ZNF324: variants seen among roughly 807,000 people sequenced by gnomAD.
ZNF324 encodes the protein zinc finger protein 324A.
Under a neutral mutation model 10.3 loss-of-function variants are expected in ZNF324, and 3 were observed. That is an observed-to-expected ratio of 0.29 (90% CI 0.13 to 0.75). The LOEUF (loss-of-function observed/expected upper bound fraction) is 0.75. Among genes scored for constraint, ZNF324 ranks in the 30% least tolerant of loss-of-function variants. The pLI, the probability that ZNF324 is intolerant of heterozygous loss-of-function variation, is 0.69. For synonymous variants in ZNF324, 430 were observed against 339.5 expected, an observed-to-expected ratio of 1.27 and a Z score of -2.93; for missense variants, 763 against 784.4, an observed-to-expected ratio of 0.97 and a Z score of 0.33.
rs1461200112 is a variant in ZNF324 at position 58,471,756 on chromosome 19, G to A, written c.1264G>A (p.Glu422Lys). Residue 422 changes from glutamate to lysine, a missense_variant, in exon 4 of 4, where the codon GAG becomes AAG. By Grantham distance (56) the Glu-to-Lys change is moderately conservative. Coordinates refer to ENST00000196482, the MANE Select transcript of ZNF324 (RefSeq NM_014347.3). ...LFKHQRVHTGEKPFACPQCGR... is the reference protein window; with the variant it reads ...LFKHQRVHTGKKPFACPQCGR... Reference sequence around the variant, plus strand: ...TAAGCACCAGCGCGTGCACACAGGCGAGAAGCCCTTCGCCTGCCCACAGTG... The same window carrying A: ...TAAGCACCAGCGCGTGCACACAGGCAAGAAGCCCTTCGCCTGCCCACAGTG... 3 of 1,612,788 alleles carry A rather than the reference G, an allele frequency of 1.9e-6. No homozygotes were observed. The highest frequency in any genetic ancestry group is 2.2e-5 in the East Asian group (1 of 44,888).
chr19:58,473,332 T>A lies in ZNF324; in HGVS notation c.*1178T>A, dbSNP rs1207244097. On this transcript the variant is annotated 3_prime_UTR_variant, in exon 4 of 4. Transcript: ENST00000196482. ...GACAGAAAGGTGGACTGGGGGCCATTTGCTTCCTGTGGCCTTCAGCAGACC... is the reference window on the plus strand; with the variant it reads ...GACAGAAAGGTGGACTGGGGGCCATATGCTTCCTGTGGCCTTCAGCAGACC... The A allele has an allele frequency of 6.6e-6, 1 of 150,946 alleles. No homozygotes were observed. The highest frequency in any genetic ancestry group is 1.5e-5 in the Non-Finnish European group (1 of 67,924). The allele number at this position is 150,946 out of a possible 1,614,324, so 9.4% of individuals were successfully genotyped here.
chr19:58,467,506 G>T (rs2052992213), intron 1 of ZNF324: 1 of 152,338 alleles, frequency 6.6e-6, no homozygotes, highest in Non-Finnish European at 1.5e-5. Flanking sequence ...GCGCTGACAA[G>T]CCCGCGTCGG....
rs929517207 is a variant in ZNF324 at position 58,471,383 on chromosome 19, G to A, written c.891G>A (p.Thr297=). ...AGTGCGGCAAGGCCTTCAGCCAGAC[G>A]TCGCACTTGACGCAGCACCAGCGCA... ...CAQCGKAFSQ[T]SHLTQHQRIH... Residue 297 remains threonine, a synonymous_variant, in exon 4 of 4, where the codon ACG becomes ACA. Transcript: ENST00000196482. 17 of 1,613,474 alleles carry A rather than the reference G, an allele frequency of 1.1e-5. No individual in the cohort carries two copies. In the African/African-American group the frequency reaches 1.2e-4, roughly 11 times the overall value.
chr19:58,473,078 G>A lies in ZNF324; in HGVS notation c.*924G>A, dbSNP rs996874584. ...ACTGGTTTACCAAAGTCGATGTGAG[G>A]AGGAGGCTTTATACCTGAGGGGATG... On this transcript the variant is annotated 3_prime_UTR_variant, in exon 4 of 4. Transcript: ENST00000196482. The A allele has an allele frequency of 6.6e-6, 1 of 152,654 alleles. No individual in the cohort carries two copies. The highest frequency in any genetic ancestry group is 1.5e-5 in the Non-Finnish European group (1 of 68,046). The allele number at this position is 152,654 out of a possible 1,614,324, so 9.5% of individuals were successfully genotyped here.
chr19:58,472,513 G>C lies in ZNF324; in HGVS notation c.*359G>C, dbSNP rs1033889581. 1.3e-5 allele frequency: 3 copies of C among 239,330 alleles called. No individual in the cohort carries two copies. The highest frequency in any genetic ancestry group is 5.0e-5 in the Admixed American group (1 of 20,060). The allele number at this position is 239,330 out of a possible 1,614,324, so 14.8% of individuals were successfully genotyped here. A position where few individuals can be genotyped will look rare whatever the true frequency, so the allele number is the denominator to read the frequency against. On this transcript the variant is annotated 3_prime_UTR_variant, in exon 4 of 4. Transcript: ENST00000196482. Reference sequence around the variant, plus strand: ...CTAAGGTGAGAGGGATGCAGGCATGGGTTGGGGGTGGCCCAGAGAAACTTA... The same window carrying C: ...CTAAGGTGAGAGGGATGCAGGCATGCGTTGGGGGTGGCCCAGAGAAACTTA...
rs1377555499 is a variant in ZNF324 at position 58,467,250 on chromosome 19, GGCC to G, written c.-7+70_-7+72del. 8.1e-3 allele frequency: 1,236 copies of G among 152,234 alleles called. 6 individuals carry two copies. The highest frequency in any genetic ancestry group is 0.013 in the Non-Finnish European group (858 of 67,970). The allele number at this position is 152,234 out of a possible 1,614,324, so 9.4% of individuals were successfully genotyped here. ...GTCGTGATCAAGGGCGCCGGCCGCC[GGCC>G]GCGCCCCCAAGCCTCTGTTTCTCAG... On this transcript the variant is annotated intron_variant, in intron 1 of 3. Transcript: ENST00000196482.
chr19:58,469,736 A>C lies in ZNF324; in HGVS notation c.130A>C (p.Thr44Pro), dbSNP rs145506982. 5.7e-6 allele frequency: 9 copies of C among 1,573,568 alleles called. No homozygotes were observed. The African/African-American group carries it at 8.1e-5, about 14-fold the overall frequency. Residue 44 changes from threonine (T) to proline (P), a missense_variant, in exon 3 of 4, where the codon ACC becomes CCC. Physicochemically the swap from Thr to Pro is conservative, Grantham distance 38. This residue lies in a region of ZNF324 where 379 missense variants were observed against 319.4 expected (regional missense o/e 1.19). Coordinates refer to ENST00000196482, the MANE Select transcript of ZNF324 (RefSeq NM_014347.3). ...FALVASLGLS[T>P]SRPRVVIQLE... ...GCACCTCCTCCTCACAGGACTCTCC[A>C]CCTCTCGACCTCGTGTGGTCATCCA...
chr19:58,472,479 C>T lies in ZNF324; in HGVS notation c.*325C>T, dbSNP rs1358003659. ...TGTGGTGCGGCTTCATGTGATATGACAGTGGATGCTAAGGTGAGAGGGATG... is the reference window on the plus strand; with the variant it reads ...TGTGGTGCGGCTTCATGTGATATGATAGTGGATGCTAAGGTGAGAGGGATG... On this transcript the variant is annotated 3_prime_UTR_variant, in exon 4 of 4. Transcript: ENST00000196482. The T allele has an allele frequency of 5.2e-5, 17 of 329,876 alleles. No individual in the cohort carries two copies. The highest frequency in any genetic ancestry group is 8.4e-5 in the Non-Finnish European group (15 of 179,152). 20.4% of individuals were successfully genotyped at this position (329,876 alleles called of 1,614,324 possible). A position where few individuals can be genotyped will look rare whatever the true frequency, so the allele number is the denominator to read the frequency against.
rs1459386460 is a variant in ZNF324 at position 58,475,048 on chromosome 19, TG to T, written c.*2895del. The T allele has an allele frequency of 6.6e-6, 1 of 151,950 alleles. No homozygotes were observed. Among genetic ancestry groups the T allele is most frequent in the African/African-American group, 2.4e-5 (1 of 41,326 alleles). The allele number at this position is 151,950 out of a possible 1,614,324, so 9.4% of individuals were successfully genotyped here. Reference sequence around the variant, plus strand: ...CCACATGGTGGAGGGTGAAAGTTTTTGTTTTTTTTTCCTTCTGGGACTCTGC... The same window carrying T: ...CCACATGGTGGAGGGTGAAAGTTTTTTTTTTTTTTCCTTCTGGGACTCTGC... On this transcript the variant is annotated 3_prime_UTR_variant, in exon 4 of 4. Transcript: ENST00000196482.
At position 58,474,002 on chromosome 19, in the gene ZNF324, C is replaced by T. The variant is rs2053060140; in HGVS notation, c.*1848C>T. The T allele has an allele frequency of 6.6e-6, 1 of 152,322 alleles. No individual in the cohort carries two copies. Among genetic ancestry groups the T allele is most frequent in the Non-Finnish European group, 1.5e-5 (1 of 68,100 alleles). The allele number at this position is 152,322 out of a possible 1,614,324, so 9.4% of individuals were successfully genotyped here. On this transcript the variant is annotated 3_prime_UTR_variant, in exon 4 of 4. Transcript: ENST00000196482. ...CAAGGTTGACTCCAACCAGTGGGCA[C>T]TCCATCCCATGGCTTCCAAAATCCT...
In ZNF324 at chr19:58,469,717, C is replaced by T. The variant is rs953689632; in HGVS notation, c.122-11C>T. ...TGGGGCTGGACTCTAACCTGCACCT[C>T]CTCCTCACAGGACTCTCCACCTCTC... On this transcript the variant is annotated splice_polypyrimidine_tract_variant and intron_variant, in intron 2 of 3. Transcript: ENST00000196482. 6.4e-7 allele frequency: 1 copy of T among 1,563,558 alleles called. No homozygotes were observed. The highest frequency in any genetic ancestry group is 8.7e-7 in the Non-Finnish European group (1 of 1,152,988).
chr19:58,472,028 C>T lies in ZNF324; in HGVS notation c.1536C>T (p.Ser512=), dbSNP rs1329038030. The change falls in exon 4 of 4, where the codon TCC becomes TCT. Residue 512 remains serine (S), a synonymous_variant. Transcript: ENST00000196482. The stretch of plus-strand genomic sequence containing the variant: ...CCGGCGAGAAGACCGTCCGGCGATC[C>T]AGGGCCAGCCTGCACCCCCAGGCCA... The part of the protein sequence containing the change: ...IHTGEKTVRR[S]RASLHPQARS... 1.2e-6 allele frequency: 2 copies of T among 1,606,932 alleles called. No homozygotes were observed. Among genetic ancestry groups the T allele is most frequent in the Non-Finnish European group, 1.7e-6 (2 of 1,179,680 alleles).
rs1029387432 is a variant in ZNF324, at chr19:58,475,235, C to T, written c.*3081C>T. 5.9e-5 allele frequency: 9 copies of T among 152,068 alleles called. No homozygotes were observed. In the East Asian group the frequency reaches 1.7e-3, roughly 29 times the overall value. 9.4% of individuals were successfully genotyped at this position (152,068 alleles called of 1,614,324 possible). Reference sequence around the variant, plus strand: ...CATCCAGAGCAGGCAGCAGGGATTCCCAGGTATCCAAAGAAACCAAAACAG... The same window carrying T: ...CATCCAGAGCAGGCAGCAGGGATTCTCAGGTATCCAAAGAAACCAAAACAG... On this transcript the variant is annotated 3_prime_UTR_variant, in exon 4 of 4. Coordinates refer to ENST00000196482, the MANE Select transcript of ZNF324 (RefSeq NM_014347.3).
chr19:58,470,393 C>T (rs1176843727), intron 3 of ZNF324: 48 of 272,436 alleles, frequency 1.8e-4, no homozygotes, highest in Non-Finnish European at 6.6e-5. Flanking sequence ...GGGACAGGGG[C>T]GGGGGGAAGG....
rs541162458 is a variant in ZNF324 at position 58,472,905 on chromosome 19, T to C, written c.*751T>C. ...ACTGAGGCACACGGCCTGGCCTGGCTTCACACACATAGCCGACTCAGGAGA... is the reference window on the plus strand; with the variant it reads ...ACTGAGGCACACGGCCTGGCCTGGCCTCACACACATAGCCGACTCAGGAGA... On this transcript the variant is annotated 3_prime_UTR_variant, in exon 4 of 4. Coordinates refer to ENST00000196482, the MANE Select transcript of ZNF324 (RefSeq NM_014347.3). The C allele has an allele frequency of 1.3e-5, 2 of 152,818 alleles. No individual in the cohort carries two copies. The highest frequency in any genetic ancestry group is 3.9e-4 in the East Asian group (2 of 5,176). 9.5% of individuals were successfully genotyped at this position (152,818 alleles called of 1,614,324 possible).
In ZNF324 at chr19:58,470,994, C is replaced by T. The variant is rs372223827; in HGVS notation, c.502C>T (p.Pro168Ser). The T allele has an allele frequency of 8.7e-6, 14 of 1,614,092 alleles. No homozygotes were observed. In the African/African-American group the frequency reaches 1.2e-4, roughly 14 times the overall value. ...CCTGCGACTGACCTCCCCGCTTAGG[C>T]CTCCCGAGGGCGTCCGGCTTAGAGA... Reference protein sequence around the residue: ...VSLRLTSPLRPPEGVRLREKT... With the variant: ...VSLRLTSPLRSPEGVRLREKT... Residue 168 changes from proline to serine, a missense_variant, in exon 4 of 4, where the codon CCT becomes TCT. Physicochemically the swap from Pro to Ser is moderately conservative, Grantham distance 74. Around this residue, in one of 3 missense-constraint regions of ZNF324, gnomAD observed 379 missense variants for 319.4 expected, o/e 1.19. Transcript: ENST00000196482.
rs1209212060 is a variant in ZNF324, at chr19:58,469,103, A to G, written c.-6-77A>G. The G allele has an allele frequency of 1.1e-5, 18 of 1,584,430 alleles. No homozygotes were observed. The East Asian group carries it at 3.6e-4, about 31-fold the overall frequency. The stretch of plus-strand genomic sequence containing the variant: ...TGTTGCCCAAGACAATTCTTCTTCC[A>G]ATGTGGCCCAGGGAAGCCAAAAGAT... On this transcript the variant is annotated intron_variant, in intron 1 of 3. Coordinates refer to ENST00000196482, the MANE Select transcript of ZNF324 (RefSeq NM_014347.3).
At position 58,472,796 on chromosome 19, in the gene ZNF324, CTCCTG is replaced by C. The variant is rs1239560859; in HGVS notation, c.*648_*652del. 1 of 152,394 alleles carries C rather than the reference CTCCTG, an allele frequency of 6.6e-6. No individual in the cohort carries two copies. Among genetic ancestry groups the C allele is most frequent in the Admixed American group, 6.5e-5 (1 of 15,292 alleles). The allele number at this position is 152,394 out of a possible 1,614,324, so 9.4% of individuals were successfully genotyped here. On this transcript the variant is annotated 3_prime_UTR_variant, in exon 4 of 4. Coordinates refer to ENST00000196482, the MANE Select transcript of ZNF324 (RefSeq NM_014347.3). ...AGAGCCAACACATGCTCACTGCCAG[CTCCTG>C]TCCTGAGTACTGGGAAGTTTCTCCT...
At position 58,471,274 on chromosome 19, in the gene ZNF324, C is replaced by T. The variant is rs995043554; in HGVS notation, c.782C>T (p.Ala261Val). ...GGGGAGAAGTCCTTCGAATGCAGGG[C>T]GTGCAGCAAAGTGTTCGTGAAGAGC... ...HAGEKSFECR[A>V]CSKVFVKSSD... is the part of the protein sequence containing the mutation. Residue 261 changes from alanine (A) to valine (V), a missense_variant, in exon 4 of 4, where the codon GCG (alanine) becomes GTG (valine). Physicochemically the swap from Ala to Val is moderately conservative, Grantham distance 64. This residue lies in a region of ZNF324 where 153 missense variants were observed against 269.0 expected (regional missense o/e 0.57). Coordinates refer to ENST00000196482, the MANE Select transcript of ZNF324 (RefSeq NM_014347.3). 8.1e-6 allele frequency: 13 copies of T among 1,613,664 alleles called. No homozygotes were observed. The highest frequency in any genetic ancestry group is 1.7e-5 in the Admixed American group (1 of 60,006).
Sources: gnomAD v4.1 joint callset for allele counts on GRCh38, gnomAD v4.1.1 for gene constraint, gnomAD v4.1.1 regional missense constraint, MANE v1.5 for transcripts, NCBI Gene and HGNC (gene_info 2026-07-23, HGNC 2026-07-21) for gene names.